The following HS3ST5 variants were observed in gnomAD, a reference collection of about 807,000 sequenced individuals.
HS3ST5 encodes heparan sulfate-glucosamine 3-sulfotransferase 5.
In HS3ST5, 10 loss-of-function variants were observed where a neutral mutation model predicts 25.4. The ratio of observed to expected loss-of-function variants is 0.39; its 90% CI spans 0.24 to 0.67. The LOEUF is 0.67. Ranked by LOEUF, HS3ST5 falls within the 30% of genes least tolerant of loss-of-function variation. The probability of loss-of-function intolerance (pLI) is 0.44; values close to 1 mark genes in which losing one functional copy is unlikely to be tolerated. For synonymous variants in HS3ST5, 170 were observed against 162.4 expected (o/e 1.05, Z -0.36); for missense variants, 324 against 420.7 (o/e 0.77, Z 2.01).
intron 3 of HS3ST5, among the ~76,000 whole-genome samples, chr6:114,126,907 GT>G (rs1777065208): frequency 6.6e-6 from 1 of 152,148 alleles, no homozygotes; most frequent in South Asian, 2.1e-4. Context: ...TCAAATGATG[GT>G]TTTACCACTT....
intron 3 of HS3ST5, among the ~76,000 whole-genome samples, chr6:114,146,753 G>T (rs1040396525): frequency 6.6e-6 from 1 of 152,044 alleles, no homozygotes; most frequent in African/African-American, 2.4e-5. Context: ...CATGTGATTT[G>T]GTCATTTAAA....
intron 1 of HS3ST5, among the ~76,000 whole-genome samples, chr6:114,340,300 T>A (rs760999280): frequency 1.7e-4 from 26 of 152,268 alleles, no homozygotes; most frequent in Non-Finnish European, 8.8e-5. Flanking sequence ...ATTTCCCATG[T>A]AATTTGCTTA....
intron 1 of HS3ST5, among the ~76,000 whole-genome samples, chr6:114,295,576 T>C (rs527465803): frequency 2.0e-5 from 3 of 152,326 alleles, no homozygotes; most frequent in Admixed American, 6.5e-5. Context: ...AAACGTCAGA[T>C]TGTTGTATAA....
chr6:114,069,659 AG>A (rs1343447228), intron 3 of HS3ST5, among the ~76,000 whole-genome samples: 2 of 151,694 alleles, frequency 1.3e-5, no homozygotes, highest in Admixed American at 1.3e-4. Context: ...GCTGGACTAC[AG>A]GCACACACCG....
rs1475506475 is a variant in HS3ST5 at position 114,057,264 on chromosome 6, CA to C, written c.1033del (p.Trp345GlyfsTer22). ...FYQITGRTLN[W>X]P ...GTTGTATGACATATTATTTTAGGGC[CA>C]GTTCAATGTCCTCCCAGTGATCTGG... On this transcript the variant is annotated frameshift_variant, in exon 5 of 5. Coordinates refer to ENST00000312719, the MANE Select transcript of HS3ST5 (RefSeq NM_153612.4). LOFTEE classifies it high-confidence loss of function. The C allele has an allele frequency of 6.2e-7, 1 of 1,608,430 alleles. No homozygotes were observed. Among genetic ancestry groups the C allele is most frequent in the Non-Finnish European group, 8.5e-7 (1 of 1,175,760 alleles).
At position 114,137,231 on chromosome 6, in the gene HS3ST5, G is replaced by T. The variant is rs540199461; in HGVS notation, c.-33+31120C>A. Among the ~76,000 whole-genome samples the T allele has an allele frequency of 3.0e-4, 45 of 152,046 alleles. 1 individual carries two copies. Among genetic ancestry groups the T allele is most frequent in the Middle Eastern group, 3.4e-3 (1 of 294 alleles). ...CCAATTCCAATTTCTTCTCCCCCCCGCAAACCATATCCCATTTATAGTTTC... is the reference window on the plus strand; with the variant it reads ...CCAATTCCAATTTCTTCTCCCCCCCTCAAACCATATCCCATTTATAGTTTC... On this transcript the variant is annotated intron_variant, in intron 3 of 4. Transcript: ENST00000312719.
chr6:114,175,595 G>T (rs573266271), intron 2 of HS3ST5, among the ~76,000 whole-genome samples: 1 of 152,276 alleles, frequency 6.6e-6, no homozygotes, highest in African/African-American at 2.4e-5. Context: ...GGGGGAGGAG[G>T]AATGGAGTCA....
intron 1 of HS3ST5, among the ~76,000 whole-genome samples, chr6:114,254,265 G>A (rs952967229): frequency 6.6e-6 from 1 of 152,182 alleles, no homozygotes; most frequent in African/African-American, 2.4e-5. Context: ...CCTCCCAAAT[G>A]AATGTGTTTA....
chr6:114,147,258 A>C (rs1778215739), intron 3 of HS3ST5, among the ~76,000 whole-genome samples: 2 of 152,198 alleles, frequency 1.3e-5, no homozygotes, highest in Admixed American at 1.3e-4. Context: ...TTGGGGTACG[A>C]ACTCAGATGA....
rs1006630831 is a variant in HS3ST5 at position 114,056,121 on chromosome 6, A to G, written c.*1136T>C. 5.9e-5 allele frequency: 9 copies of G among 152,324 alleles called. 1 individual carries two copies. Among genetic ancestry groups the G allele is most frequent in the African/African-American group, 2.4e-5 (1 of 41,558 alleles). 9.4% of individuals were successfully genotyped at this position (152,324 alleles called of 1,614,324 possible). On this transcript the variant is annotated 3_prime_UTR_variant, in exon 5 of 5. Transcript: ENST00000312719. ...TGGTCTGACTCTGATTAGAGGTTCAAATAAAATGGTGATTCTTCTATGCCT... is the reference window on the plus strand; with the variant it reads ...TGGTCTGACTCTGATTAGAGGTTCAGATAAAATGGTGATTCTTCTATGCCT...
At chr6:114,190,045 A>C (rs974507402) in intron 2 of HS3ST5, among the ~76,000 whole-genome samples, 8 of 152,314 alleles carry the variant, frequency 5.3e-5, no homozygotes, top group African/African-American at 1.9e-4. Context: ...GAAAGCTGTG[A>C]GTCTCAACAT....
At chr6:114,332,845 T>A (rs545750289) in intron 1 of HS3ST5, among the ~76,000 whole-genome samples, 1 of 151,964 alleles carries the variant, frequency 6.6e-6, no homozygotes, top group South Asian at 2.1e-4. Flanking sequence ...GGGAGAGGGA[T>A]CAGCATATAG....
chr6:114,184,702 GGCTCACTCCC>G (rs1228494813), intron 2 of HS3ST5, among the ~76,000 whole-genome samples: 1 of 152,232 alleles, frequency 6.6e-6, no homozygotes, highest in Non-Finnish European at 1.5e-5. Flanking sequence ...AAGCTGTGGA[GGCTCACTCCC>G]TGCCAGGTAG....
chr6:114,127,016 A>G (rs1777073405), intron 3 of HS3ST5, among the ~76,000 whole-genome samples: 1 of 152,206 alleles, frequency 6.6e-6, no homozygotes, highest in South Asian at 2.1e-4. Context: ...AGAGGTCATT[A>G]TAAGATGTTG....
intron 1 of HS3ST5, among the ~76,000 whole-genome samples, chr6:114,281,232 A>G (rs1774095056): frequency 6.6e-6 from 1 of 151,998 alleles, no homozygotes; most frequent in African/African-American, 2.4e-5. Context: ...AACTTACATA[A>G]TAACATGTAA....
At chr6:114,336,607 A>AAATAATAAT (rs747658514) in intron 1 of HS3ST5, among the ~76,000 whole-genome samples, 2 of 151,860 alleles carry the variant, frequency 1.3e-5, no homozygotes, top group Non-Finnish European at 2.9e-5. Context: ...AGTCCAACTC[A>AAATAATAAT]AATAATAATA....
intron 3 of HS3ST5, among the ~76,000 whole-genome samples, chr6:114,115,028 A>G (rs573026922): frequency 6.6e-6 from 1 of 152,268 alleles, no homozygotes; most frequent in South Asian, 2.1e-4. Context: ...AATCAAGTGC[A>G]TAAATGCTAT....
chr6:114,146,706 A>G (rs1200694420), intron 3 of HS3ST5, among the ~76,000 whole-genome samples: 1 of 152,206 alleles, frequency 6.6e-6, no homozygotes, highest in Non-Finnish European at 1.5e-5. Context: ...TGGATCCCTC[A>G]TGGCTTGGTG....
chr6:114,339,357 T>C (rs978657130), intron 1 of HS3ST5, among the ~76,000 whole-genome samples: 1 of 152,170 alleles, frequency 6.6e-6, no homozygotes, highest in Admixed American at 6.5e-5. Context: ...CTGCTAGACA[T>C]GTCAAGAGCA....
Sources: gnomAD v4.1 joint callset for allele counts (sites outside exome capture counted in the v4.1 genomes callset) on GRCh38, gnomAD v4.1.1 for gene constraint, MANE v1.5 for transcripts, NCBI Gene and HGNC (gene_info 2026-07-23, HGNC 2026-07-21) for gene names.